Variants in KCNIP4 observed in about 807,000 individuals in gnomAD.
KCNIP4 encodes potassium voltage-gated channel interacting protein 4.
In KCNIP4, 12 loss-of-function variants were observed where a neutral mutation model predicts 34.0. That is an observed-to-expected ratio of 0.35 (90% CI 0.23 to 0.57). The LOEUF is 0.57. Among genes scored for constraint, KCNIP4 ranks in the 20% least tolerant of loss-of-function variants. KCNIP4 has a pLI of 0.83. For missense variants in KCNIP4, 238 were observed against 311.7 expected, an observed-to-expected ratio of 0.76 and a Z score of 1.78; for synonymous variants, 124 against 102.2, an observed-to-expected ratio of 1.21 and a Z score of -1.29.
At chr4:20,746,210 A>C (rs1164899912) in intron 5 of KCNIP4, among the ~76,000 whole-genome samples, 1 of 152,192 alleles carries the variant, frequency 6.6e-6, no homozygotes, top group Non-Finnish European at 1.5e-5. Context: ...AAAAAGGATG[A>C]GTTCATGTCC....
intron 1 of KCNIP4, among the ~76,000 whole-genome samples, chr4:20,924,354 G>A (rs1322917938): frequency 6.6e-6 from 1 of 152,150 alleles, no homozygotes; most frequent in Non-Finnish European, 1.5e-5. Flanking sequence ...CCAAGCCTAA[G>A]CACGATCTTT....
intron 1 of KCNIP4, among the ~76,000 whole-genome samples, chr4:21,758,796 A>G (rs975888334): frequency 2.4e-4 from 36 of 152,170 alleles, no homozygotes; most frequent in African/African-American, 7.7e-4. Flanking sequence ...TCCAAATGGT[A>G]ATTATTGTCA....
intron 1 of KCNIP4, among the ~76,000 whole-genome samples, chr4:21,559,259 C>A (rs1378611918): frequency 6.6e-6 from 1 of 152,010 alleles, no homozygotes; most frequent in African/African-American, 2.4e-5. Flanking sequence ...ACCTCTCTGT[C>A]GGGCTAGAGT....
chr4:21,090,215 C>T (rs2109042011), intron 1 of KCNIP4, among the ~76,000 whole-genome samples: 1 of 152,244 alleles, frequency 6.6e-6, no homozygotes, highest in Non-Finnish European at 1.5e-5. Context: ...TGTTTATTTG[C>T]ATAACGACTG....
At chr4:21,840,159 G>C (rs906227535) in intron 1 of KCNIP4, among the ~76,000 whole-genome samples, 4 of 151,612 alleles carry the variant, frequency 2.6e-5, no homozygotes, top group Non-Finnish European at 5.9e-5. Flanking sequence ...ATGGAGAGGG[G>C]TTAGGGCATG....
chr4:20,776,266 GA>G (rs1410909425), intron 3 of KCNIP4, among the ~76,000 whole-genome samples: 1 of 152,178 alleles, frequency 6.6e-6, no homozygotes, highest in Non-Finnish European at 1.5e-5. Context: ...CGTAAGGAAG[GA>G]AAAACAATGC....
At chr4:20,933,522 C>T (rs1730709092) in intron 1 of KCNIP4, among the ~76,000 whole-genome samples, 1 of 152,062 alleles carries the variant, frequency 6.6e-6, no homozygotes, top group Non-Finnish European at 1.5e-5. Context: ...AGAAGTTGGA[C>T]TATCATTACA....
At chr4:20,768,511 A>G (rs1755609602) in intron 3 of KCNIP4, among the ~76,000 whole-genome samples, 1 of 152,210 alleles carries the variant, frequency 6.6e-6, no homozygotes, top group Non-Finnish European at 1.5e-5. Flanking sequence ...CAAAGCAGAA[A>G]AGCTGATCAT....
intron 5 of KCNIP4, among the ~76,000 whole-genome samples, chr4:20,735,629 C>CAGGTTCA (rs1401252213): frequency 6.6e-6 from 1 of 150,656 alleles, no homozygotes; most frequent in Admixed American, 6.7e-5. Flanking sequence ...TCCCACCTCC[C>CAGGTTCA]AGGTTCAAGC....
In KCNIP4 at chr4:21,151,405, A is replaced by ATTTTTTTTTTTTTTTTTTTTTTTTTTTT. The variant is rs1491541435; in HGVS notation, c.62-268697_62-268696insAAAAAAAAAAAAAAAAAAAAAAAAAAAA. ...AGAATGGATGTCTTCAACAAAAGAC[A>ATTTTTTTTTTTTTTTTTTTTTTTTTTTT]ATTTTTTTTTTTTTTTTTTTTTTTT... On this transcript the variant is annotated intron_variant, in intron 1 of 8. Coordinates refer to ENST00000382152, the MANE Select transcript of KCNIP4 (RefSeq NM_025221.6). Among the ~76,000 whole-genome samples, 2 of 93,512 alleles carry ATTTTTTTTTTTTTTTTTTTTTTTTTTTT rather than the reference A, an allele frequency of 2.1e-5. 1 individual carries two copies. 61.3% of individuals were successfully genotyped at this position (93,512 alleles called of 152,430 possible).
intron 3 of KCNIP4, among the ~76,000 whole-genome samples, chr4:20,770,592 T>C (rs1457420136): frequency 6.6e-6 from 1 of 152,066 alleles, no homozygotes; most frequent in Non-Finnish European, 1.5e-5. Context: ...ATGCACAGAT[T>C]CAACTAACTG....
At chr4:21,626,124 C>T (rs1745304444) in intron 1 of KCNIP4, among the ~76,000 whole-genome samples, 1 of 152,048 alleles carries the variant, frequency 6.6e-6, no homozygotes, top group South Asian at 2.1e-4. Context: ...AACGGAGTGT[C>T]CTGAATTTTA....
chr4:21,330,130 T>C (rs1370070910), intron 1 of KCNIP4, among the ~76,000 whole-genome samples: 1 of 152,212 alleles, frequency 6.6e-6, no homozygotes, highest in Non-Finnish European at 1.5e-5. Flanking sequence ...TAATAGATAA[T>C]TTAAATGTGC....
At chr4:20,976,156 A>G (rs1330752922) in intron 1 of KCNIP4, among the ~76,000 whole-genome samples, 1 of 152,178 alleles carries the variant, frequency 6.6e-6, no homozygotes, top group East Asian at 1.9e-4. Flanking sequence ...ACCTAACTCA[A>G]TGGTTCTCAA....
intron 1 of KCNIP4, among the ~76,000 whole-genome samples, chr4:21,293,942 C>A (rs1205310957): frequency 6.6e-6 from 1 of 152,076 alleles, no homozygotes; most frequent in African/African-American, 2.4e-5. Context: ...GGTTGAGAGC[C>A]TTTGTTCTCC....
At chr4:21,570,550 G>A (rs1577614932) in intron 1 of KCNIP4, among the ~76,000 whole-genome samples, 1 of 152,254 alleles carries the variant, frequency 6.6e-6, no homozygotes, top group East Asian at 1.9e-4. Context: ...AGGGAGGACA[G>A]GAGCCTAGAA....
At chr4:21,877,054 C>A (rs559957485) in intron 1 of KCNIP4, among the ~76,000 whole-genome samples, 1 of 151,928 alleles carries the variant, frequency 6.6e-6, no homozygotes, top group Non-Finnish European at 1.5e-5. Context: ...AAAATAGGTC[C>A]ATTAAAACCA....
chr4:21,920,587 A>G (rs1405634802), intron 1 of KCNIP4, among the ~76,000 whole-genome samples: 1 of 152,142 alleles, frequency 6.6e-6, no homozygotes, highest in African/African-American at 2.4e-5. Flanking sequence ...CATGTAACCA[A>G]AAATCACCTG....
At chr4:21,482,200 T>A (rs1577436603) in intron 1 of KCNIP4, among the ~76,000 whole-genome samples, 2 of 152,274 alleles carry the variant, frequency 1.3e-5, no homozygotes, top group East Asian at 3.9e-4. Flanking sequence ...TGAGCCTACG[T>A]GTGTCTCTGC....
Sources: gnomAD v4.1 joint callset for allele counts (sites outside exome capture counted in the v4.1 genomes callset) on GRCh38, gnomAD v4.1.1 for gene constraint, MANE v1.5 for transcripts, NCBI Gene and HGNC (gene_info 2026-07-23, HGNC 2026-07-21) for gene names.